TENM2: variants seen among roughly 807,000 people sequenced by gnomAD.
TENM2 encodes the protein teneurin transmembrane protein 2.
In TENM2, 52 loss-of-function variants were observed where a neutral mutation model predicts 245.2. The observed-to-expected ratio is 0.21, with a 90% CI of 0.17 to 0.27. The LOEUF (loss-of-function observed/expected upper bound fraction) is 0.27. TENM2 is among the 10% of genes least tolerant of loss of function. The pLI is 1.00. For synonymous variants in TENM2, 1,363 were observed against 1,438.9 expected, an observed-to-expected ratio of 0.95 and a Z score of 1.19; for missense variants, 3,046 against 3,666.8, an observed-to-expected ratio of 0.83 and a Z score of 4.37.
At chr5:167,398,434 AT>A (rs796625197) in intron 2 of TENM2, among the ~76,000 whole-genome samples, 4,351 of 65,468 alleles carry the variant, frequency 0.066, 182 homozygotes, top group African/African-American at 0.18. Flanking sequence ...CTTTCTTACT[AT>A]TTTTTTTTTT....
the TENM2 span, among the ~76,000 whole-genome samples, chr5:167,273,145 A>G: frequency 2.0e-5 from 3 of 152,196 alleles, no homozygotes; most frequent in Admixed American, 1.3e-4. Flanking sequence ...TTAATTAGAC[A>G]AAGGCTTGCA....
chr5:167,333,593 C>G (rs1451804338), intron 1 of TENM2, among the ~76,000 whole-genome samples: 2 of 152,120 alleles, frequency 1.3e-5, no homozygotes, highest in Non-Finnish European at 2.9e-5. Flanking sequence ...GAAGGACAGG[C>G]AAATGGCAAC....
intron 3 of TENM2, among the ~76,000 whole-genome samples, chr5:167,929,059 GAGAAAGAAAGAAAGAAA>G (rs1778012452): frequency 1.3e-5 from 1 of 77,442 alleles, no homozygotes; most frequent in African/African-American, 4.8e-5. Context: ...GAAAGAAAGA[GAGAAAGAAAGAAAGAAA>G]GAAAGAAAGA....
intron 5 of TENM2, among the ~76,000 whole-genome samples, chr5:168,041,150 T>C (rs1562086901): frequency 6.6e-6 from 1 of 152,194 alleles, no homozygotes; most frequent in Non-Finnish European, 1.5e-5. Context: ...GAGGACAGTA[T>C]GGGAATTTAG....
chr5:167,158,588 G>A, the TENM2 span, among the ~76,000 whole-genome samples: 2 of 152,088 alleles, frequency 1.3e-5, no homozygotes, highest in Non-Finnish European at 2.9e-5. Context: ...GGTGCAGTCT[G>A]GTAAGGACCT....
chr5:167,741,301 T>C (rs1761159274), intron 2 of TENM2, among the ~76,000 whole-genome samples: 2 of 152,166 alleles, frequency 1.3e-5, no homozygotes, highest in Admixed American at 1.3e-4. Flanking sequence ...CCAGATTAGA[T>C]GCTCAACAAG....
the TENM2 span, among the ~76,000 whole-genome samples, chr5:167,170,622 T>G: frequency 6.6e-6 from 1 of 152,216 alleles, no homozygotes; most frequent in African/African-American, 2.4e-5. Flanking sequence ...TAAAAATCCA[T>G]TGACATAACA....
At chr5:167,626,435 TCTTC>T (rs1439598079) in intron 2 of TENM2, among the ~76,000 whole-genome samples, 1 of 152,214 alleles carries the variant, frequency 6.6e-6, no homozygotes, top group African/African-American at 2.4e-5. Flanking sequence ...ACAATTCCAG[TCTTC>T]CTTATTCATT....
At chr5:167,852,665 C>G (rs4868810) in intron 2 of TENM2, among the ~76,000 whole-genome samples, 63,086 of 152,066 alleles carry the variant, frequency 0.41, 15,841 homozygotes, top group Non-Finnish European at 0.56. Flanking sequence ...TTTCGTGTCT[C>G]TATGTACTGT....
intron 25 of TENM2, among the ~76,000 whole-genome samples, chr5:168,234,382 C>A (rs1305370322): frequency 2.0e-5 from 3 of 152,086 alleles, no homozygotes; most frequent in Non-Finnish European, 2.9e-5. Context: ...GGTCACATGA[C>A]CATACCTGTA....
At chr5:167,203,740 T>C in the TENM2 span, among the ~76,000 whole-genome samples, 1 of 152,138 alleles carries the variant, frequency 6.6e-6, no homozygotes, top group African/African-American at 2.4e-5. Flanking sequence ...TCTTAGTTTT[T>C]ATAATTATGA....
chr5:167,731,200 G>GTTTTTTTTTTTTTT (rs11398245), intron 2 of TENM2, among the ~76,000 whole-genome samples: 1 of 142,600 alleles, frequency 7.0e-6, no homozygotes. Flanking sequence ...CCTCCAGACA[G>GTTTTTTTTTTTTTT]TTTTTTTTTT....
intron 28 of TENM2, among the ~76,000 whole-genome samples, chr5:168,260,895 C>T (rs781731207): frequency 7.9e-5 from 12 of 152,130 alleles, no homozygotes; most frequent in Non-Finnish European, 5.9e-5. Context: ...GGTCTTTCTG[C>T]GATGACCGAG....
At chr5:167,045,843 C>T in the TENM2 span, among the ~76,000 whole-genome samples, 1 of 152,194 alleles carries the variant, frequency 6.6e-6, no homozygotes. Context: ...GAGCTCTGAA[C>T]ATAGGGAGTC....
intron 2 of TENM2, among the ~76,000 whole-genome samples, chr5:167,474,161 A>G (rs992691009): frequency 6.6e-6 from 1 of 152,124 alleles, no homozygotes; most frequent in Non-Finnish European, 1.5e-5. Flanking sequence ...ACTTTTAGAG[A>G]TGTAGATGAA....
At chr5:167,576,465 C>T (rs1023453090) in intron 2 of TENM2, among the ~76,000 whole-genome samples, 1 of 151,874 alleles carries the variant, frequency 6.6e-6, no homozygotes, top group Non-Finnish European at 1.5e-5. Context: ...GAATCATTAC[C>T]GTTTATGATG....
intron 1 of TENM2, among the ~76,000 whole-genome samples, chr5:167,363,730 C>CAAAAAAAA (rs10659741): frequency 1.3e-4 from 12 of 89,162 alleles, no homozygotes; most frequent in East Asian, 3.0e-4. Context: ...GACTCCATCT[C>CAAAAAAAA]AAAAAAAAAA....
chr5:167,581,327 A>T (rs779645009), intron 2 of TENM2, among the ~76,000 whole-genome samples: 4 of 152,254 alleles, frequency 2.6e-5, no homozygotes, highest in Admixed American at 6.5e-5. Context: ...ACTTTAAAAA[A>T]TATCCTTTTA....
At chr5:167,475,144 T>G (rs2127519111) in intron 2 of TENM2, among the ~76,000 whole-genome samples, 1 of 152,316 alleles carries the variant, frequency 6.6e-6, no homozygotes. Context: ...TACTTAGGTA[T>G]ATATAGAAAT....
Sources: gnomAD v4.1 joint callset for allele counts (sites outside exome capture counted in the v4.1 genomes callset) on GRCh38, gnomAD v4.1.1 for gene constraint, MANE v1.5 for transcripts, NCBI Gene and HGNC (gene_info 2026-07-23, HGNC 2026-07-21) for gene names.